RERE: variants seen among roughly 807,000 people sequenced by gnomAD.
RERE encodes the protein arginine-glutamic acid dipeptide repeats, also known as arginine-glutamic acid dipeptide repeats protein.
RERE carries 40 observed loss-of-function variants against 146.1 expected under a neutral mutation model. The ratio of observed to expected loss-of-function variants is 0.27; its 90% CI spans 0.21 to 0.36. The LOEUF (loss-of-function observed/expected upper bound fraction) is 0.36. RERE is among the 10% of genes least tolerant of loss of function. RERE has a pLI of 1.00. For synonymous variants in RERE, 1,003 were observed against 866.0 expected, an observed-to-expected ratio of 1.16 and a Z score of -2.78; for missense variants, 1,933 against 2,138.7, an observed-to-expected ratio of 0.90 and a Z score of 1.90.
At chr1:8,780,002 C>A (rs1309810502) in intron 1 of RERE, among the ~76,000 whole-genome samples, 1 of 152,000 alleles carries the variant, frequency 6.6e-6, no homozygotes, top group Non-Finnish European at 1.5e-5. Flanking sequence ...ACCAGCACGG[C>A]CAACTTGGTG....
At chr1:8,651,234 C>G (rs1239070001) in intron 2 of RERE, among the ~76,000 whole-genome samples, 1 of 151,580 alleles carries the variant, frequency 6.6e-6, no homozygotes, top group Non-Finnish European at 1.5e-5. Context: ...AATAACATAG[C>G]AAGACCCCAT....
intron 7 of RERE, among the ~76,000 whole-genome samples, chr1:8,539,920 C>T (rs1314456051): frequency 6.6e-6 from 1 of 152,054 alleles, no homozygotes; most frequent in South Asian, 2.1e-4. Flanking sequence ...AAAACACGTT[C>T]CCTTCTACCC....
chr1:8,671,265 A>G (rs1557471351), intron 1 of RERE, among the ~76,000 whole-genome samples: 2 of 152,236 alleles, frequency 1.3e-5, no homozygotes, highest in East Asian at 1.9e-4. Flanking sequence ...AACGTTCTGT[A>G]AACTGCCAAT....
intron 7 of RERE, among the ~76,000 whole-genome samples, chr1:8,510,687 C>T (rs954488730): frequency 6.6e-6 from 1 of 152,184 alleles, no homozygotes; most frequent in Non-Finnish European, 1.5e-5. Context: ...AAACAAGCTG[C>T]CAAAAGCTCT....
intron 1 of RERE, among the ~76,000 whole-genome samples, chr1:8,700,832 A>G (rs1569577389): frequency 6.6e-6 from 1 of 152,180 alleles, no homozygotes; most frequent in East Asian, 1.9e-4. Context: ...CAGCCTACAC[A>G]ATAGCAAGCA....
chr1:8,794,574 A>G (rs1018860752), intron 1 of RERE, among the ~76,000 whole-genome samples: 2 of 151,872 alleles, frequency 1.3e-5, no homozygotes, highest in South Asian at 2.1e-4. Flanking sequence ...GATTTCTGGG[A>G]CTGAAAAATT....
chr1:8,658,498 C>G (rs1345770871), intron 1 of RERE, among the ~76,000 whole-genome samples: 1 of 152,184 alleles, frequency 6.6e-6, no homozygotes, highest in Non-Finnish European at 1.5e-5. Flanking sequence ...TGGCTCATAC[C>G]TGTAATCCCA....
At chr1:8,624,161 T>C (rs1201130068) in intron 3 of RERE, 149 bp downstream of exon 3, 6 of 640,224 alleles carry the variant, frequency 9.4e-6, no homozygotes, top group South Asian at 6.0e-5. Context: ...GTAACCCTCA[T>C]TTCAGTGCTA....
In RERE at chr1:8,561,271, A is replaced by C. The variant is rs1490606493; in HGVS notation, c.523-3748T>G. Reference sequence around the variant, plus strand: ...CAGCATTGTGCTGAAAAGACTTCACAATCAATTCCACAGATAAAACACACA... The same window carrying C: ...CAGCATTGTGCTGAAAAGACTTCACCATCAATTCCACAGATAAAACACACA... On this transcript the variant is annotated intron_variant, in intron 4 of 22. Coordinates refer to ENST00000400908, the MANE Select transcript of RERE (RefSeq NM_001042681.2). Among the ~76,000 whole-genome samples the C allele has an allele frequency of 2.0e-5, 3 of 152,250 alleles. No individual in the cohort carries two copies. In the East Asian group the frequency reaches 5.8e-4, roughly 29 times the overall value.
intron 10 of RERE, among the ~76,000 whole-genome samples, chr1:8,474,193 T>C (rs945358225): frequency 6.6e-6 from 1 of 152,334 alleles, no homozygotes; most frequent in South Asian, 2.1e-4. Flanking sequence ...TAACTCATGA[T>C]TGAACTTCTC....
In RERE at chr1:8,780,868, C is replaced by T. The variant is rs190536609; in HGVS notation, c.-145+36292G>A. On this transcript the variant is annotated intron_variant, in intron 1 of 22. Transcript: ENST00000400908. ...TTCCCAAGCACCACTTGCCCTTCAA[C>T]ACCTACCTACACCTCACTTCTCTGC... 5.9e-5 allele frequency among the ~76,000 whole-genome samples: 9 copies of T among 152,288 alleles called. No individual in the cohort carries two copies. In the East Asian group the frequency reaches 1.7e-3, roughly 29 times the overall value.
At chr1:8,523,105 G>T (rs1645525165) in intron 7 of RERE, among the ~76,000 whole-genome samples, 1 of 151,638 alleles carries the variant, frequency 6.6e-6, no homozygotes, top group Admixed American at 6.6e-5. Flanking sequence ...CTTAGCCTAG[G>T]GAGGTCCCCA....
At chr1:8,810,531 G>C (rs561477395) in intron 1 of RERE, among the ~76,000 whole-genome samples, 4 of 152,198 alleles carry the variant, frequency 2.6e-5, no homozygotes, top group African/African-American at 9.6e-5. Flanking sequence ...ATTTGAGCCC[G>C]AGGGGGTCAA....
chr1:8,784,847 C>T (rs944162489), intron 1 of RERE, among the ~76,000 whole-genome samples: 1 of 152,198 alleles, frequency 6.6e-6, no homozygotes, highest in African/African-American at 2.4e-5. Flanking sequence ...AGACAGTCCA[C>T]TACAATTTAA....
chr1:8,364,086 A>G lies in RERE; in HGVS notation c.1710T>C (p.His570=). ...CCCGACTCCGCCGTGTCCTCATGCT[A>G]TGCTTCCCACTGAGCCCATCATCCT... The part of the protein sequence containing the change: ...KEEDDGLSGK[H]SMRTRRSRGS... Residue 570 remains histidine, a synonymous_variant, in exon 15 of 23, where the codon CAT becomes CAC. Coordinates refer to ENST00000400908, the MANE Select transcript of RERE (RefSeq NM_001042681.2). This position sits in a 1 kb window ranked among gnomAD's most constrained non-coding sequence, Gnocchi z 5.1. 2 of 1,614,076 alleles carry G rather than the reference A, an allele frequency of 1.2e-6. No individual in the cohort carries two copies. The highest frequency in any genetic ancestry group is 1.7e-6 in the Non-Finnish European group (2 of 1,180,022).
At chr1:8,601,370 T>G (rs1646623184) in intron 4 of RERE, among the ~76,000 whole-genome samples, 1 of 152,090 alleles carries the variant, frequency 6.6e-6, no homozygotes, top group African/African-American at 2.4e-5. Context: ...CTGAGAGGAA[T>G]GTTCCCCAAT....
intron 4 of RERE, among the ~76,000 whole-genome samples, chr1:8,612,200 C>CA (rs1646801060): frequency 6.6e-6 from 1 of 152,206 alleles, no homozygotes; most frequent in Non-Finnish European, 1.5e-5. Flanking sequence ...TCTGGTGTAT[C>CA]ATGGCAAGAA....
At chr1:8,454,304 T>A (rs1167296810) in intron 11 of RERE, among the ~76,000 whole-genome samples, 1 of 152,234 alleles carries the variant, frequency 6.6e-6, no homozygotes, top group Admixed American at 6.5e-5. Flanking sequence ...TGTACACGTG[T>A]GTTTTCAAAT....
At chr1:8,615,528 C>G (rs566755592) in intron 3 of RERE, among the ~76,000 whole-genome samples, 1 of 152,202 alleles carries the variant, frequency 6.6e-6, no homozygotes, top group South Asian at 2.1e-4. Context: ...CAGCACATAA[C>G]ATTTTTAAAC....
Sources: allele counts gnomAD v4.1 joint callset (sites outside exome capture counted in the v4.1 genomes callset), GRCh38; gene constraint gnomAD v4.1.1; non-coding constraint Gnocchi (gnomAD v3.1); transcripts MANE v1.5; gene names NCBI Gene and HGNC (gene_info 2026-07-23, HGNC 2026-07-21).